The following WDFY3 variants were observed in gnomAD, a reference collection of about 807,000 sequenced individuals.
WDFY3 encodes the protein WD repeat and FYVE domain containing 3, also known as WD repeat and FYVE domain-containing protein 3.
A neutral mutation model predicts 409.6 loss-of-function variants in WDFY3; 66 were observed. The ratio of observed to expected loss-of-function variants is 0.16; its 90% confidence interval spans 0.13 to 0.20. The LOEUF (loss-of-function observed/expected upper bound fraction) is 0.20. WDFY3 is among the 10% of genes least tolerant of loss of function. The pLI is 1.00. For synonymous variants in WDFY3, 1,521 were observed against 1,537.1 expected, an observed-to-expected ratio of 0.99 and a Z score of 0.25; for missense variants, 3,031 against 4,298.1, an observed-to-expected ratio of 0.71 and a Z score of 8.24.
chr4:84,792,931 C>T (rs1197980681), intron 21 of WDFY3, among the ~76,000 whole-genome samples: 2 of 151,972 alleles, frequency 1.3e-5, no homozygotes, highest in Non-Finnish European at 2.9e-5. Context: ...GCTTAGATTA[C>T]AAAGATAAGC....
chr4:84,763,464 G>A (rs763874945), intron 32 of WDFY3, among the ~76,000 whole-genome samples: 6 of 151,948 alleles, frequency 3.9e-5, no homozygotes, highest in Admixed American at 2.6e-4. Context: ...GGGCTGATAG[G>A]TGCAGCAAAC....
At chr4:84,841,890 G>C (rs1176280087) in intron 5 of WDFY3, among the ~76,000 whole-genome samples, 4 of 152,184 alleles carry the variant, frequency 2.6e-5, no homozygotes, top group Non-Finnish European at 5.9e-5. Flanking sequence ...TAATGTGTAT[G>C]ACAGACTGGA....
chr4:84,744,696 ACAAAAAATTAGCCGGG>A (rs1739065624), intron 36 of WDFY3, among the ~76,000 whole-genome samples: 1 of 151,116 alleles, frequency 6.6e-6, no homozygotes, highest in Admixed American at 6.6e-5. Context: ...TACTAAAAAT[ACAAAAAATTAGCCGGG>A]CGTAGTGGCG....
At position 84,731,559 on chromosome 4, in the gene WDFY3, C is replaced by T. The variant is rs536790088; in HGVS notation, c.7221+1823G>A. 3.3e-5 allele frequency among the ~76,000 whole-genome samples: 5 copies of T among 152,220 alleles called. No individual in the cohort carries two copies. In the South Asian group the frequency reaches 1.0e-3, roughly 32 times the overall value. On this transcript the variant is annotated intron_variant, in intron 44 of 67. Transcript: ENST00000295888. ...CATTTCTCAACTGTCTAGTATTTTC[C>T]AATATGTAACCCACCTGTTAAAAAA...
intron 4 of WDFY3, 77 bp downstream of exon 4, chr4:84,860,335 A>G: frequency 6.8e-7 from 1 of 1,471,312 alleles, no homozygotes; most frequent in Admixed American, 2.2e-5. Flanking sequence ...TTTTCTACCT[A>G]TGGCTTACCA....
chr4:84,819,534 AAAGC>A (rs1360859324), intron 12 of WDFY3, among the ~76,000 whole-genome samples: 2 of 152,110 alleles, frequency 1.3e-5, no homozygotes, highest in African/African-American at 4.8e-5. Flanking sequence ...TCTTTTTTAA[AAAGC>A]AAGAGTGATA....
intron 67 of WDFY3, among the ~76,000 whole-genome samples, chr4:84,674,585 A>ATG (rs1725939535): frequency 6.6e-6 from 1 of 151,712 alleles, no homozygotes; most frequent in Non-Finnish European, 1.5e-5. Flanking sequence ...ATATATATAT[A>ATG]TAGGCTGGGT....
chr4:84,763,116 A>G (rs192967556), intron 32 of WDFY3, among the ~76,000 whole-genome samples: 1 of 152,132 alleles, frequency 6.6e-6, no homozygotes, highest in Non-Finnish European at 1.5e-5. Flanking sequence ...CCCTATAATT[A>G]ATCTTAAGGA....
At position 84,696,169 on chromosome 4, in the gene WDFY3, T is replaced by C; in HGVS notation, c.8702A>G (p.Asp2901Gly). The C allele has an allele frequency of 6.2e-7, 1 of 1,614,122 alleles. No individual in the cohort carries two copies. Among genetic ancestry groups the C allele is most frequent in the Non-Finnish European group, 8.5e-7 (1 of 1,179,994 alleles). Residue 2901 changes from aspartate (D) to glycine (G), a missense_variant, in exon 58 of 68, where the codon GAT becomes GGT. Around this residue, in one of 16 missense-constraint regions of WDFY3, gnomAD observed 129 missense variants for 305.3 expected, o/e 0.42. Coordinates refer to ENST00000295888, the MANE Select transcript of WDFY3 (RefSeq NM_014991.6). ...IRVHREALEC[D>G]YVSAHLHEWI... The stretch of plus-strand genomic sequence containing the variant: ...CTCATGTAGATGGGCACTCACGTAA[T>C]CACACTCCAAAGCCTGTAATTTCAA...
intron 1 of WDFY3, among the ~76,000 whole-genome samples, chr4:84,960,637 A>C (rs1315194037): frequency 1.3e-5 from 2 of 152,026 alleles, no homozygotes; most frequent in Non-Finnish European, 2.9e-5. Flanking sequence ...TGTATTTTAC[A>C]AGGTACTCTT....
At chr4:84,810,904 C>A (rs1752380275) in intron 13 of WDFY3, among the ~76,000 whole-genome samples, 1 of 142,634 alleles carries the variant, frequency 7.0e-6, no homozygotes, top group Non-Finnish European at 1.5e-5. Context: ...TGGCTTTTCC[C>A]AAAACAGCTG....
intron 15 of WDFY3, among the ~76,000 whole-genome samples, chr4:84,806,327 T>C (rs1751498386): frequency 6.6e-6 from 1 of 152,142 alleles, no homozygotes; most frequent in East Asian, 1.9e-4. Context: ...ATGTCAACAA[T>C]CATCTTAGTA....
chr4:84,674,822 C>T (rs1272593862), intron 67 of WDFY3, among the ~76,000 whole-genome samples: 1 of 151,520 alleles, frequency 6.6e-6, no homozygotes, highest in African/African-American at 2.4e-5. Context: ...GAGCCGAGAT[C>T]ACGCCACTGC....
At chr4:84,846,079 G>A (rs942293742) in intron 5 of WDFY3, among the ~76,000 whole-genome samples, 3 of 152,256 alleles carry the variant, frequency 2.0e-5, no homozygotes, top group Admixed American at 2.0e-4. Flanking sequence ...ACTAAAGGGT[G>A]TGGGGACACA....
chr4:84,898,305 T>C (rs1409473887), intron 2 of WDFY3, among the ~76,000 whole-genome samples: 1 of 152,274 alleles, frequency 6.6e-6, no homozygotes, highest in East Asian at 1.9e-4. Context: ...TAAACATACA[T>C]ATATTCTAGA....
intron 67 of WDFY3, among the ~76,000 whole-genome samples, chr4:84,673,216 A>ATTTATTTGTTTCG (rs1725709262): frequency 6.6e-6 from 1 of 152,172 alleles, no homozygotes; most frequent in African/African-American, 2.4e-5. Flanking sequence ...ACTGACAAGA[A>ATTTATTTGTTTCG]TTAAAAAAAC....
At chr4:84,861,658 C>T (rs1469357764) in intron 3 of WDFY3, among the ~76,000 whole-genome samples, 1 of 152,116 alleles carries the variant, frequency 6.6e-6, no homozygotes, top group Non-Finnish European at 1.5e-5. Flanking sequence ...AAAAGAATAA[C>T]TTGTTTCATG....
chr4:84,894,893 T>C (rs541348501), intron 3 of WDFY3, among the ~76,000 whole-genome samples: 58 of 141,432 alleles, frequency 4.1e-4, no homozygotes, highest in Admixed American at 3.9e-3. Context: ...GAGATTGCAG[T>C]GAGCCAAAAT....
At chr4:84,719,477 T>C (rs1331469084) in intron 47 of WDFY3, among the ~76,000 whole-genome samples, 1 of 152,176 alleles carries the variant, frequency 6.6e-6, no homozygotes, top group Non-Finnish European at 1.5e-5. Context: ...TGAATACACT[T>C]CCTGCACTAT....
Sources: allele counts gnomAD v4.1 joint callset (sites outside exome capture counted in the v4.1 genomes callset), GRCh38; gene constraint gnomAD v4.1.1; regional missense constraint gnomAD v4.1.1; transcripts MANE v1.5; gene names NCBI Gene and HGNC (gene_info 2026-07-23, HGNC 2026-07-21).